R3HCC1L: variants seen among roughly 807,000 people sequenced by gnomAD.
R3HCC1L encodes R3H domain and coiled-coil containing 1 like, also known as coiled-coil domain-containing protein R3HCC1L.
A neutral mutation model predicts 59.9 loss-of-function variants in R3HCC1L; 51 were observed. The ratio of observed to expected loss-of-function variants is 0.85; its 90% CI spans 0.68 to 1.07. The LOEUF (loss-of-function observed/expected upper bound fraction) is 1.07. R3HCC1L is among the 50% of genes least tolerant of loss of function. The pLI is 0.00. For synonymous variants in R3HCC1L, 322 were observed against 315.2 expected, an observed-to-expected ratio of 1.02 and a Z score of -0.23; for missense variants, 965 against 933.0, an observed-to-expected ratio of 1.03 and a Z score of -0.45.
At chr10:98,188,037 C>T (rs1590627523) in intron 4 of R3HCC1L, among the ~76,000 whole-genome samples, 2 of 152,102 alleles carry the variant, frequency 1.3e-5, no homozygotes, top group South Asian at 4.1e-4. Context: ...ACCCATTATA[C>T]TTGGCCAAAG....
At chr10:98,164,616 T>A (rs982585566) in intron 4 of R3HCC1L, among the ~76,000 whole-genome samples, 2 of 152,044 alleles carry the variant, frequency 1.3e-5, no homozygotes, top group African/African-American at 2.4e-5. Context: ...CTATAAAGAG[T>A]GACACTGTGT....
chr10:98,238,576 TGAGTTTA>T (rs61041480), intron 9 of R3HCC1L, among the ~76,000 whole-genome samples: 3,322 of 152,280 alleles, frequency 0.022, 111 homozygotes, highest in African/African-American at 0.075. Context: ...GATACCATCT[TGAGTTTA>T]GAGCTGACCC....
intron 9 of R3HCC1L, among the ~76,000 whole-genome samples, chr10:98,238,681 C>G (rs886602034): frequency 6.6e-6 from 1 of 152,112 alleles, no homozygotes; most frequent in Non-Finnish European, 1.5e-5. Context: ...AAAACCCATG[C>G]TTCTTCTGTA....
chr10:98,183,377 T>C (rs1208251169), intron 4 of R3HCC1L, among the ~76,000 whole-genome samples: 1 of 151,968 alleles, frequency 6.6e-6, no homozygotes, highest in Non-Finnish European at 1.5e-5. Context: ...GGTTTTCTCT[T>C]TATCTTTGAT....
intron 5 of R3HCC1L, among the ~76,000 whole-genome samples, chr10:98,229,503 A>G (rs1230728405): frequency 6.6e-6 from 1 of 152,150 alleles, no homozygotes; most frequent in Non-Finnish European, 1.5e-5. Context: ...GGTTTTCTAG[A>G]TATACAATCA....
chr10:98,229,555 A>G (rs960848535), intron 5 of R3HCC1L, among the ~76,000 whole-genome samples: 18 of 152,212 alleles, frequency 1.2e-4, no homozygotes, highest in African/African-American at 3.4e-4. Flanking sequence ...CTCTTTTCCT[A>G]ATTGATTACC....
chr10:98,136,099 C>T (rs1404408186), intron 1 of R3HCC1L, among the ~76,000 whole-genome samples: 1 of 151,790 alleles, frequency 6.6e-6, no homozygotes, highest in Non-Finnish European at 1.5e-5. Flanking sequence ...ATGATCCTCC[C>T]GCCTCGACCT....
chr10:98,194,494 A>G (rs970945577), intron 4 of R3HCC1L, among the ~76,000 whole-genome samples: 1 of 152,182 alleles, frequency 6.6e-6, no homozygotes, highest in Non-Finnish European at 1.5e-5. Flanking sequence ...CATCCAACTT[A>G]AAAGTCTTCT....
At chr10:98,148,027 C>T (rs1281310951) in intron 1 of R3HCC1L, among the ~76,000 whole-genome samples, 1 of 152,058 alleles carries the variant, frequency 6.6e-6, no homozygotes, top group Non-Finnish European at 1.5e-5. Flanking sequence ...GTGTTACTCC[C>T]TCTAATTCAT....
chr10:98,163,923 T>G (rs1046244605), intron 4 of R3HCC1L, among the ~76,000 whole-genome samples: 1 of 152,226 alleles, frequency 6.6e-6, no homozygotes, highest in Non-Finnish European at 1.5e-5. Flanking sequence ...TATAAGTATT[T>G]GTTGTCAGTT....
At chr10:98,173,277 G>A (rs1207404491) in intron 4 of R3HCC1L, among the ~76,000 whole-genome samples, 1 of 152,162 alleles carries the variant, frequency 6.6e-6, no homozygotes, top group Admixed American at 6.5e-5. Context: ...TTCTGAGAGA[G>A]CCTCTTAGTG....
At chr10:98,227,129 T>C (rs369368083) in intron 5 of R3HCC1L, among the ~76,000 whole-genome samples, 2 of 152,226 alleles carry the variant, frequency 1.3e-5, no homozygotes, top group African/African-American at 4.8e-5. Context: ...GTTAAAATTC[T>C]TTTAAAGTGG....
At chr10:98,153,149 TG>T (rs1198884229) in intron 1 of R3HCC1L, among the ~76,000 whole-genome samples, 2 of 152,124 alleles carry the variant, frequency 1.3e-5, no homozygotes, top group South Asian at 4.1e-4. Flanking sequence ...ATGATGACAA[TG>T]GCGGTTTTGT....
chr10:98,154,182 CAAAAAAAAAAAA>C (rs61379048), intron 1 of R3HCC1L, among the ~76,000 whole-genome samples: 1 of 92,832 alleles, frequency 1.1e-5, no homozygotes, highest in Non-Finnish European at 2.1e-5. Context: ...AGAGAATAAG[CAAAAAAAAAAAA>C]AAAAAAAAAG....
intron 1 of R3HCC1L, among the ~76,000 whole-genome samples, chr10:98,135,980 A>C (rs1386020076): frequency 6.9e-6 from 1 of 145,112 alleles, no homozygotes; most frequent in Non-Finnish European, 1.5e-5. Flanking sequence ...TTATTGTCTT[A>C]TTTTTCCCCT....
chr10:98,227,703 G>T (rs953278042), intron 5 of R3HCC1L, among the ~76,000 whole-genome samples: 1 of 151,746 alleles, frequency 6.6e-6, no homozygotes, highest in Non-Finnish European at 1.5e-5. Flanking sequence ...TTTACATTAG[G>T]TATATCTCCT....
chr10:98,157,750 T>A (rs1847024737), intron 2 of R3HCC1L, among the ~76,000 whole-genome samples: 1 of 152,258 alleles, frequency 6.6e-6, no homozygotes, highest in Non-Finnish European at 1.5e-5. Flanking sequence ...ATTGACTTAT[T>A]TCAGTAGAAT....
chr10:98,207,454 A>T (rs544837584), intron 4 of R3HCC1L, among the ~76,000 whole-genome samples: 3 of 152,254 alleles, frequency 2.0e-5, no homozygotes, highest in African/African-American at 7.2e-5. Flanking sequence ...CCTTCATCCT[A>T]GCCAGATCTG....
chr10:98,238,882 A>G (rs965517634), intron 9 of R3HCC1L, among the ~76,000 whole-genome samples: 1 of 152,250 alleles, frequency 6.6e-6, no homozygotes, highest in Non-Finnish European at 1.5e-5. Flanking sequence ...TCTGCATGAT[A>G]GTTTAAACCA....
Sources: gnomAD v4.1 joint callset for allele counts (sites outside exome capture counted in the v4.1 genomes callset) on GRCh38, gnomAD v4.1.1 for gene constraint, MANE v1.5 for transcripts, NCBI Gene and HGNC (gene_info 2026-07-23, HGNC 2026-07-21) for gene names.